Variants in LRP1B observed in about 807,000 individuals in gnomAD.
The protein encoded by LRP1B is low-density lipoprotein receptor-related protein 1B.
In LRP1B, 217 loss-of-function variants were observed where a neutral mutation model predicts 556.6. The ratio of observed to expected loss-of-function variants is 0.39; its 90% CI spans 0.35 to 0.44. LRP1B has a LOEUF of 0.44. Ranked by LOEUF, LRP1B falls within the 20% of genes least tolerant of loss-of-function variation. The probability of loss-of-function intolerance (pLI) is 1.00; values close to 1 mark genes in which losing one functional copy is unlikely to be tolerated. For missense variants in LRP1B, 5,053 were observed against 5,620.8 expected (o/e 0.90, Z 3.23); for synonymous variants, 2,047 against 1,865.8 (o/e 1.10, Z -2.50).
At chr2:140,991,546 G>A (rs1367366934) in intron 16 of LRP1B, among the ~76,000 whole-genome samples, 1 of 152,034 alleles carries the variant, frequency 6.6e-6, no homozygotes, top group Non-Finnish European at 1.5e-5. Flanking sequence ...TCATCCATGT[G>A]CCAGGCACTG....
At chr2:140,303,695 G>C (rs13424907) in intron 83 of LRP1B, among the ~76,000 whole-genome samples, 50,120 of 151,640 alleles carry the variant, frequency 0.33, 9,045 homozygotes, top group Non-Finnish European at 0.42. Flanking sequence ...TTCTAGGGTA[G>C]GTGTGCACAA....
chr2:140,507,663 C>T (rs149103988), intron 52 of LRP1B, among the ~76,000 whole-genome samples: 37 of 152,180 alleles, frequency 2.4e-4, no homozygotes, highest in African/African-American at 6.7e-4. Context: ...TAATACCATA[C>T]GCATAGAATC....
At chr2:141,494,461 G>T (rs1161756430) in intron 2 of LRP1B, among the ~76,000 whole-genome samples, 1 of 151,960 alleles carries the variant, frequency 6.6e-6, no homozygotes, top group African/African-American at 2.4e-5. Flanking sequence ...CCTAGGAAAT[G>T]CTGCAAGGAA....
At chr2:140,664,175 T>C (rs1005707691) in intron 41 of LRP1B, among the ~76,000 whole-genome samples, 1 of 152,040 alleles carries the variant, frequency 6.6e-6, no homozygotes, top group South Asian at 2.1e-4. Flanking sequence ...GATATAATAA[T>C]AAGGAAAAGA....
intron 11 of LRP1B, among the ~76,000 whole-genome samples, chr2:141,046,348 A>T (rs1698869731): frequency 6.6e-6 from 1 of 152,166 alleles, no homozygotes; most frequent in African/African-American, 2.4e-5. Flanking sequence ...GAATACACAT[A>T]GAATTTAATT....
chr2:141,010,366 G>A (rs929785488), intron 14 of LRP1B, among the ~76,000 whole-genome samples: 1 of 152,006 alleles, frequency 6.6e-6, no homozygotes. Context: ...TTTACCAAAA[G>A]AAATCACAGT....
chr2:140,420,098 C>G lies in LRP1B; in HGVS notation c.10414+22406G>C, dbSNP rs9677298. On this transcript the variant is annotated intron_variant, in intron 66 of 90. Coordinates refer to ENST00000389484, the MANE Select transcript of LRP1B (RefSeq NM_018557.3). Reference sequence around the variant, plus strand: ...ACACAACATATGAAAATATATGAGCCGATGCTAAAGCAGTATTTAGCATCA... The same window carrying G: ...ACACAACATATGAAAATATATGAGCGGATGCTAAAGCAGTATTTAGCATCA... Among the ~76,000 whole-genome samples, 56 of 150,280 alleles carry G rather than the reference C, an allele frequency of 3.7e-4. No homozygotes were observed. The East Asian group carries it at 8.6e-3, about 23-fold the overall frequency.
At chr2:140,962,926 A>C (rs1696079843) in intron 18 of LRP1B, among the ~76,000 whole-genome samples, 1 of 152,190 alleles carries the variant, frequency 6.6e-6, no homozygotes, top group Non-Finnish European at 1.5e-5. Context: ...CTCTGCATCC[A>C]AGCAGAGGAG....
At chr2:140,731,764 CAAAAAAAAAAA>C (rs36060787) in intron 35 of LRP1B, among the ~76,000 whole-genome samples, 6 of 59,388 alleles carry the variant, frequency 1.0e-4, no homozygotes, top group African/African-American at 1.8e-4. Context: ...GAGACTCCGT[CAAAAAAAAAAA>C]AAAAAAAAAA....
intron 1 of LRP1B, among the ~76,000 whole-genome samples, chr2:141,982,536 C>T (rs772097360): frequency 7.9e-5 from 12 of 152,168 alleles, no homozygotes; most frequent in Admixed American, 2.0e-4. Flanking sequence ...TATATTTGAA[C>T]GCTAAAACCA....
intron 3 of LRP1B, among the ~76,000 whole-genome samples, chr2:141,474,948 T>C (rs951292293): frequency 2.6e-5 from 4 of 152,242 alleles, no homozygotes; most frequent in Non-Finnish European, 4.4e-5. Context: ...ATAGATTGAA[T>C]AGTCACTTTT....
intron 2 of LRP1B, among the ~76,000 whole-genome samples, chr2:141,774,988 GA>G (rs1271414127): frequency 1.3e-5 from 2 of 152,026 alleles, no homozygotes; most frequent in Non-Finnish European, 2.9e-5. Flanking sequence ...GATTCTAATG[GA>G]AAAAAAGTGT....
chr2:141,149,314 A>C (rs1406830548), intron 7 of LRP1B, among the ~76,000 whole-genome samples: 1 of 152,048 alleles, frequency 6.6e-6, no homozygotes, highest in African/African-American at 2.4e-5. Flanking sequence ...AACCACCATT[A>C]CCTATGAGAT....
chr2:140,968,066 C>T (rs1267816793), intron 18 of LRP1B, among the ~76,000 whole-genome samples: 4 of 141,400 alleles, frequency 2.8e-5, no homozygotes, highest in African/African-American at 1.0e-4. Flanking sequence ...GGGAGGATTC[C>T]CTCTTTTTCT....
At chr2:140,537,241 ATTG>A (rs1376076510) in intron 45 of LRP1B, among the ~76,000 whole-genome samples, 4 of 148,352 alleles carry the variant, frequency 2.7e-5, no homozygotes, top group African/African-American at 9.8e-5. Context: ...AATTATTATT[ATTG>A]TTTTTTAAAA....
intron 2 of LRP1B, among the ~76,000 whole-genome samples, chr2:141,648,144 A>G (rs548852436): frequency 6.6e-6 from 1 of 152,132 alleles, no homozygotes; most frequent in African/African-American, 2.4e-5. Flanking sequence ...AATCATCTTG[A>G]GTTTTGTGCT....
intron 2 of LRP1B, among the ~76,000 whole-genome samples, chr2:141,545,414 T>C (rs1427182175): frequency 6.6e-6 from 1 of 152,220 alleles, no homozygotes; most frequent in Non-Finnish European, 1.5e-5. Flanking sequence ...GATGTCCATG[T>C]CTTAATGCCC....
chr2:141,112,710 G>C (rs1229392495), intron 7 of LRP1B, among the ~76,000 whole-genome samples: 1 of 152,126 alleles, frequency 6.6e-6, no homozygotes, highest in African/African-American at 2.4e-5. Flanking sequence ...ACCTAACCTT[G>C]TACATCCCCT....
At chr2:141,363,457 A>G (rs551114039) in intron 3 of LRP1B, among the ~76,000 whole-genome samples, 2 of 152,228 alleles carry the variant, frequency 1.3e-5, no homozygotes, top group South Asian at 4.2e-4. Context: ...TTTTTCAAAA[A>G]TGTCTCTTAT....
Sources: gnomAD v4.1 joint callset for allele counts (sites outside exome capture counted in the v4.1 genomes callset) on GRCh38, gnomAD v4.1.1 for gene constraint, MANE v1.5 for transcripts, NCBI Gene and HGNC (gene_info 2026-07-23, HGNC 2026-07-21) for gene names.